Variants in LRP1B observed in about 807,000 individuals in gnomAD.
The protein encoded by LRP1B is LDL receptor related protein 1B.
Under a neutral mutation model 556.6 loss-of-function variants are expected in LRP1B, and 217 were observed. The ratio of observed to expected loss-of-function variants is 0.39; its 90% CI spans 0.35 to 0.44. The LOEUF is 0.44. Among genes scored for constraint, LRP1B ranks in the 20% least tolerant of loss-of-function variants. The pLI, the probability that LRP1B is intolerant of heterozygous loss-of-function variation, is 1.00. For synonymous variants in LRP1B, 2,047 were observed against 1,865.8 expected (o/e 1.10, Z -2.50); for missense variants, 5,053 against 5,620.8 (o/e 0.90, Z 3.23).
intron 35 of LRP1B, among the ~76,000 whole-genome samples, chr2:140,731,586 G>T (rs1481629493): frequency 6.6e-6 from 1 of 151,870 alleles, no homozygotes; most frequent in Non-Finnish European, 1.5e-5. Flanking sequence ...TGGTCAACGT[G>T]GTGAAACTCC....
chr2:140,455,854 G>A (rs756496801), intron 62 of LRP1B, among the ~76,000 whole-genome samples: 9 of 152,120 alleles, frequency 5.9e-5, no homozygotes, highest in Non-Finnish European at 1.2e-4. Context: ...TGGCTCACGT[G>A]TTACAAAGTA....
intron 16 of LRP1B, among the ~76,000 whole-genome samples, chr2:140,990,692 G>C (rs543118925): frequency 1.3e-5 from 2 of 152,124 alleles, no homozygotes; most frequent in African/African-American, 4.8e-5. Flanking sequence ...CAATATCCAA[G>C]CACAACAGGA....
intron 3 of LRP1B, among the ~76,000 whole-genome samples, chr2:141,256,088 T>C (rs1684452252): frequency 6.6e-6 from 1 of 151,950 alleles, no homozygotes; most frequent in Admixed American, 6.6e-5. Flanking sequence ...TTATAAATCA[T>C]AGTAGCAAAA....
intron 31 of LRP1B, among the ~76,000 whole-genome samples, chr2:140,829,482 T>C (rs992735503): frequency 6.6e-6 from 1 of 152,124 alleles, no homozygotes; most frequent in Non-Finnish European, 1.5e-5. Flanking sequence ...AAGAGAAACT[T>C]AGAAACAATA....
At chr2:142,039,778 C>T (rs941873391) in intron 1 of LRP1B, among the ~76,000 whole-genome samples, 3 of 151,484 alleles carry the variant, frequency 2.0e-5, no homozygotes, top group African/African-American at 7.3e-5. Flanking sequence ...CACTATTTCT[C>T]ATTGCTTTGT....
At chr2:141,990,493 T>C (rs955842945) in intron 1 of LRP1B, among the ~76,000 whole-genome samples, 6 of 152,064 alleles carry the variant, frequency 3.9e-5, no homozygotes, top group African/African-American at 1.4e-4. Context: ...TTTTTATTTT[T>C]AGTGCAAAGG....
At chr2:141,729,719 T>A (rs566086068) in intron 2 of LRP1B, among the ~76,000 whole-genome samples, 40 of 152,338 alleles carry the variant, frequency 2.6e-4, no homozygotes, top group African/African-American at 8.4e-4. Flanking sequence ...TTTCCTAAAA[T>A]GGATTTACAT....
At chr2:140,901,775 A>G (rs1573860205) in intron 23 of LRP1B, among the ~76,000 whole-genome samples, 1 of 152,176 alleles carries the variant, frequency 6.6e-6, no homozygotes, top group Admixed American at 6.5e-5. Flanking sequence ...TGTATTTATT[A>G]TATATTTATT....
chr2:140,794,139 A>T (rs1030603857), intron 32 of LRP1B, among the ~76,000 whole-genome samples: 2 of 152,162 alleles, frequency 1.3e-5, no homozygotes, highest in Non-Finnish European at 2.9e-5. Flanking sequence ...TTTGGAATTT[A>T]AAGATAAATA....
At chr2:140,747,041 C>G (rs1688340006) in intron 35 of LRP1B, among the ~76,000 whole-genome samples, 1 of 152,136 alleles carries the variant, frequency 6.6e-6, no homozygotes, top group African/African-American at 2.4e-5. Flanking sequence ...TCTGTTGCAG[C>G]TGTGCATTTT....
chr2:140,772,785 A>G (rs2104943298), intron 33 of LRP1B, among the ~76,000 whole-genome samples: 2 of 152,230 alleles, frequency 1.3e-5, no homozygotes, highest in East Asian at 3.9e-4. Context: ...TAGAGCTTGA[A>G]AGAACATTTG....
At chr2:141,787,343 C>T (rs976790759) in intron 2 of LRP1B, among the ~76,000 whole-genome samples, 3 of 151,900 alleles carry the variant, frequency 2.0e-5, no homozygotes, top group East Asian at 3.9e-4. Context: ...AACCCAAATG[C>T]TTTTCAACCA....
intron 32 of LRP1B, among the ~76,000 whole-genome samples, chr2:140,782,960 G>T (rs1415819135): frequency 2.0e-5 from 3 of 152,120 alleles, no homozygotes; most frequent in Non-Finnish European, 4.4e-5. Flanking sequence ...CTCCCAGTCA[G>T]CACTACTTGA....
chr2:140,791,854 T>C (rs982709434), intron 32 of LRP1B, among the ~76,000 whole-genome samples: 1 of 152,174 alleles, frequency 6.6e-6, no homozygotes, highest in Non-Finnish European at 1.5e-5. Flanking sequence ...GGTAAAAGAA[T>C]TATTTTGAGC....
At chr2:141,223,622 C>T (rs544796213) in intron 6 of LRP1B, among the ~76,000 whole-genome samples, 1 of 152,290 alleles carries the variant, frequency 6.6e-6, no homozygotes, top group Admixed American at 6.5e-5. Context: ...CACTACCTGA[C>T]TTCAAACTAT....
intron 17 of LRP1B, among the ~76,000 whole-genome samples, chr2:140,984,269 C>T (rs753091569): frequency 4.0e-5 from 6 of 151,782 alleles, no homozygotes; most frequent in Non-Finnish European, 8.8e-5. Context: ...TGTTTACTTC[C>T]TTTCACCCTA....
At chr2:140,431,436 A>G (rs922873024) in intron 66 of LRP1B, among the ~76,000 whole-genome samples, 12 of 151,904 alleles carry the variant, frequency 7.9e-5, no homozygotes, top group East Asian at 3.9e-4. Flanking sequence ...CATCCCTACT[A>G]TCTTCTGTCT....
chr2:141,986,628 G>A (rs1574563445), intron 1 of LRP1B, among the ~76,000 whole-genome samples: 2 of 151,880 alleles, frequency 1.3e-5, no homozygotes, highest in South Asian at 4.1e-4. Context: ...AAATCAAGTT[G>A]TTTCCTCTGC....
intron 10 of LRP1B, among the ~76,000 whole-genome samples, chr2:141,049,831 ATGC>A (rs1698983285): frequency 6.6e-6 from 1 of 152,064 alleles, no homozygotes; most frequent in Non-Finnish European, 1.5e-5. Flanking sequence ...TTAGAGGCTG[ATGC>A]TGTCTGACAG....
Sources: allele counts gnomAD v4.1 joint callset (sites outside exome capture counted in the v4.1 genomes callset), GRCh38; gene constraint gnomAD v4.1.1; transcripts MANE v1.5; gene names NCBI Gene and HGNC (gene_info 2026-07-23, HGNC 2026-07-21).